The following NOTCH3 variants were observed in gnomAD, a reference collection of about 807,000 sequenced individuals.
The protein encoded by NOTCH3 is notch receptor 3.
Under a neutral mutation model 213.3 loss-of-function variants are expected in NOTCH3, and 86 were observed. That is an observed-to-expected ratio of 0.40 (90% CI 0.34 to 0.48). The LOEUF is 0.48. Among genes scored for constraint, NOTCH3 ranks in the 20% least tolerant of loss-of-function variants. The pLI, the probability that NOTCH3 is intolerant of heterozygous loss-of-function variation, is 0.57. For missense variants in NOTCH3, 2,783 were observed against 3,272.6 expected, an observed-to-expected ratio of 0.85 and a Z score of 3.65; for synonymous variants, 1,354 against 1,355.9, an observed-to-expected ratio of 1.00 and a Z score of 0.03.
intron 2 of NOTCH3, among the ~76,000 whole-genome samples, chr19:15,194,847 C>T (rs1005625685): frequency 6.6e-6 from 1 of 151,594 alleles, no homozygotes; most frequent in African/African-American, 2.4e-5. Flanking sequence ...ATCCCAGCTA[C>T]TCCGGAGGCT....
At chr19:15,163,112 C>T (rs1175645611) in intron 31 of NOTCH3, among the ~76,000 whole-genome samples, 1 of 152,104 alleles carries the variant, frequency 6.6e-6, no homozygotes, top group Non-Finnish European at 1.5e-5. Context: ...ACTATGTTGC[C>T]CAAACTGGTC....
intron 27 of NOTCH3, 38 bp from the exon 28 acceptor site, chr19:15,170,208 C>A: frequency 6.5e-7 from 1 of 1,534,288 alleles, no homozygotes; most frequent in Middle Eastern, 1.7e-4. Flanking sequence ...GAGGGGGACA[C>A]TAGAGGTGTC....
chr19:15,160,409 T>C lies in NOTCH3; in HGVS notation c.*253A>G. Reference sequence around the variant, plus strand: ...AGAAAGGAATGAGGGAAGAGAGAAGTGGGGAAGAAGGAGGTCCCAGACTCT... The same window carrying C: ...AGAAAGGAATGAGGGAAGAGAGAAGCGGGGAAGAAGGAGGTCCCAGACTCT... On this transcript the variant is annotated 3_prime_UTR_variant, in exon 33 of 33. Coordinates refer to ENST00000263388, the MANE Select transcript of NOTCH3 (RefSeq NM_000435.3). The C allele has an allele frequency of 3.8e-6, 2 of 529,258 alleles. No homozygotes were observed. Among genetic ancestry groups the C allele is most frequent in the Non-Finnish European group, 6.7e-6 (2 of 296,736 alleles). 32.8% of individuals were successfully genotyped at this position (529,258 alleles called of 1,614,324 possible). A position where few individuals can be genotyped will look rare whatever the true frequency, so the allele number is the denominator to read the frequency against.
intron 31 of NOTCH3, among the ~76,000 whole-genome samples, chr19:15,164,886 C>A (rs1244883793): frequency 2.0e-5 from 3 of 151,944 alleles, no homozygotes; most frequent in Non-Finnish European, 2.9e-5. Flanking sequence ...GCTCAAACGA[C>A]CCTCCCACCT....
At position 15,160,809 on chromosome 19, in the gene NOTCH3, T is replaced by G. The variant is rs762784638; in HGVS notation, c.6819A>C (p.Pro2273=). 6 of 1,613,640 alleles carry G rather than the reference T, an allele frequency of 3.7e-6. No individual in the cohort carries two copies. In the South Asian group the frequency reaches 6.6e-5, roughly 18 times the overall value. Residue 2273 remains proline (P), a synonymous_variant, in exon 33 of 33, where the codon CCA becomes CCC. Coordinates refer to ENST00000263388, the MANE Select transcript of NOTCH3 (RefSeq NM_000435.3). ...LSDWSESTPS[P]ATATGAMATT... ...TGGCCATGGCCCCAGTGGCAGTGGC[T>G]GGGCTAGGCGTGGATTCGGACCAGT...
intron 2 of NOTCH3, among the ~76,000 whole-genome samples, chr19:15,197,060 T>C (rs1340212496): frequency 2.6e-5 from 4 of 152,152 alleles, no homozygotes; most frequent in Admixed American, 1.3e-4. Flanking sequence ...GACTGTATTA[T>C]AGGCCTCCTA....
chr19:15,185,501 A>G lies in NOTCH3; in HGVS notation c.2130T>C (p.Tyr710=), dbSNP rs1382752409. The G allele has an allele frequency of 3.1e-6, 5 of 1,613,478 alleles. No individual in the cohort carries two copies. Among genetic ancestry groups the G allele is most frequent in the African/African-American group, 1.3e-5 (1 of 74,814 alleles). ...AGGGCCCTCACCCGCCAGGTGCATCATAGCAGATGCCGTGACTGCAGGGCT... is the reference window on the plus strand; with the variant it reads ...AGGGCCCTCACCCGCCAGGTGCATCGTAGCAGATGCCGTGACTGCAGGGCT... ...AHEPCSHGIC[Y]DAPGGFRCVC... is the part of the protein sequence containing the mutation. Residue 710 remains tyrosine (Y), a synonymous_variant, in exon 13 of 33, where the codon TAT becomes TAC. Coordinates refer to ENST00000263388, the MANE Select transcript of NOTCH3 (RefSeq NM_000435.3). This position sits in a 1 kb window ranked among gnomAD's most constrained non-coding sequence, Gnocchi z 4.2.
chr19:15,181,598 C>T lies in NOTCH3; in HGVS notation c.2770G>A (p.Asp924Asn), dbSNP rs2145423865. ...CACCTGGGGCTGCAGTCGGGCAGGT[C>T]CTGTTCGCAGTGGAAGCCTCCGTAG... Reference protein sequence around the residue: ...PGYGGFHCEQDLPDCSPSSCF... With the variant: ...PGYGGFHCEQNLPDCSPSSCF... The change falls in exon 17 of 33, where the codon GAC becomes AAC. Residue 924 changes from aspartate to asparagine, a missense_variant. Asp to Asn is a conservative substitution (Grantham distance 23). Coordinates refer to ENST00000263388, the MANE Select transcript of NOTCH3 (RefSeq NM_000435.3). The T allele has an allele frequency of 1.3e-6, 2 of 1,550,564 alleles. No homozygotes were observed. The highest frequency in any genetic ancestry group is 2.4e-5 in the South Asian group (2 of 84,042).
intron 18 of NOTCH3, 47 bp downstream of exon 18, chr19:15,180,914 G>A (rs1282342932): frequency 6.3e-6 from 10 of 1,586,200 alleles, no homozygotes; most frequent in East Asian, 2.3e-5. Context: ...CTCCCTCCTA[G>A]GATCCCAGGC....
At chr19:15,173,363 A>C (rs867474659) in intron 25 of NOTCH3, among the ~76,000 whole-genome samples, 3 of 145,348 alleles carry the variant, frequency 2.1e-5, no homozygotes, top group Admixed American at 7.0e-5. Flanking sequence ...CGGAGCTTGC[A>C]GAAAGCCGAG....
At position 15,192,410 on chromosome 19, in the gene NOTCH3, G is replaced by A. The variant is rs766007350; in HGVS notation, c.307C>T (p.Arg103Ter). ...CQSSVVAGTARFSCRCPRGFR... is the reference protein window; with the variant it reads ...CQSSVVAGTA ...CCACGGGGGCACCGGCATGAGAATC[G>A]GGCGGTGCCAGCCACCACTGAACTC... is the stretch of plus-strand genomic sequence containing the variant. Residue 103 changes from arginine (R) to a stop codon, truncating the protein, a stop_gained, in exon 3 of 33, where the codon CGA (arginine) becomes TGA (stop). Coordinates refer to ENST00000263388, the MANE Select transcript of NOTCH3 (RefSeq NM_000435.3). LOFTEE classifies it high-confidence loss of function. 4 of 1,612,382 alleles carry A rather than the reference G, an allele frequency of 2.5e-6. No individual in the cohort carries two copies. The highest frequency in any genetic ancestry group is 2.2e-5 in the East Asian group (1 of 44,872).
At chr19:15,179,613 A>C in intron 20 of NOTCH3, 117 bp from the exon 21 acceptor site, 1 of 1,133,192 alleles carries the variant, frequency 8.8e-7, no homozygotes, top group Non-Finnish European at 1.3e-6. Flanking sequence ...TGTTCAGCGC[A>C]CTACCAGTAG....
chr19:15,170,059 G>A (rs2046717960), intron 28 of NOTCH3, 27 bp downstream of exon 28: 4 of 1,402,984 alleles, frequency 2.9e-6, no homozygotes, highest in Middle Eastern at 2.0e-4. Context: ...TCAGAGGAGG[G>A]GGCAAAGGTC....
intron 25 of NOTCH3, among the ~76,000 whole-genome samples, chr19:15,172,729 A>C (rs1599371806): frequency 6.7e-6 from 1 of 148,500 alleles, no homozygotes; most frequent in Non-Finnish European, 1.5e-5. Context: ...GCAGTAGCAC[A>C]ATCTTGGCTC....
chr19:15,160,901 G>A lies in NOTCH3; in HGVS notation c.6727C>T (p.Pro2243Ser), dbSNP rs2046634646. The change falls in exon 33 of 33, where the codon CCT (proline) becomes TCT (serine). Residue 2243 changes from proline (P) to serine (S), a missense_variant. Around this residue, in one of 6 missense-constraint regions of NOTCH3, gnomAD observed 441 missense variants for 432.1 expected, o/e 1.02. Coordinates refer to ENST00000263388, the MANE Select transcript of NOTCH3 (RefSeq NM_000435.3). ...GATTCGGGGGATGGGGTCAGGTAAG[G>A]GTGCTCACTGGGAACCCGCAGGAAG... Reference protein sequence around the residue: ...ARFLRVPSEHPYLTPSPESPE... With the variant: ...ARFLRVPSEHSYLTPSPESPE... 6.2e-7 allele frequency: 1 copy of A among 1,611,324 alleles called. No individual in the cohort carries two copies. Among genetic ancestry groups the A allele is most frequent in the Non-Finnish European group, 8.5e-7 (1 of 1,178,290 alleles).
chr19:15,174,058 G>T lies in NOTCH3; in HGVS notation c.4736+10C>A, dbSNP rs763116958. 1.3e-6 allele frequency: 2 copies of T among 1,550,614 alleles called. No individual in the cohort carries two copies. Among genetic ancestry groups the T allele is most frequent in the South Asian group, 1.2e-5 (1 of 82,828 alleles). ...CAGCCACCACGGCTTTTCCAGGTGG[G>T]GTCACTCACCCGATCACCTCGGGGG... On this transcript the variant is annotated intron_variant, in intron 25 of 32. Coordinates refer to ENST00000263388, the MANE Select transcript of NOTCH3 (RefSeq NM_000435.3).
intron 32 of NOTCH3, 39 bp from the exon 33 acceptor site, chr19:15,161,753 G>A (rs746388080): frequency 2.5e-6 from 4 of 1,580,960 alleles, no homozygotes; most frequent in Non-Finnish European, 3.5e-6. Context: ...CGAAACCCCA[G>A]CTAACAGTAG....
intron 15 of NOTCH3, 73 bp from the exon 16 acceptor site, chr19:15,184,523 G>A (rs2046865827): frequency 4.0e-6 from 6 of 1,491,122 alleles, no homozygotes; most frequent in Non-Finnish European, 5.6e-6. Context: ...TGGGGCTCAG[G>A]AAGAACCTGC....
rs202136001 is a variant in NOTCH3 at position 15,192,363 on chromosome 19, T to C, written c.340+14A>G. The C allele has an allele frequency of 3.0e-4, 486 of 1,612,692 alleles. 1 individual carries two copies. The highest frequency in any genetic ancestry group is 3.6e-4 in the Non-Finnish European group (419 of 1,179,892). ...ACCCCCGACTACCTCCCCTCCAGAC[T>C]CTTCCCCTCTCACCTCGGAAGCCAC... On this transcript the variant is annotated intron_variant, in intron 3 of 32. Coordinates refer to ENST00000263388, the MANE Select transcript of NOTCH3 (RefSeq NM_000435.3).
Sources: allele counts gnomAD v4.1 joint callset (sites outside exome capture counted in the v4.1 genomes callset), GRCh38; gene constraint gnomAD v4.1.1; regional missense constraint gnomAD v4.1.1; non-coding constraint Gnocchi (gnomAD v3.1); transcripts MANE v1.5; gene names NCBI Gene and HGNC (gene_info 2026-07-23, HGNC 2026-07-21).